Variants in CACNA1C observed in about 807,000 individuals in gnomAD.
CACNA1C encodes the protein voltage-dependent L-type calcium channel subunit alpha-1C.
A neutral mutation model predicts 229.0 loss-of-function variants in CACNA1C; 30 were observed. The observed-to-expected ratio is 0.13, with a 90% confidence interval of 0.10 to 0.18. The LOEUF (loss-of-function observed/expected upper bound fraction) is 0.18. Among genes scored for constraint, CACNA1C ranks in the 10% least tolerant of loss-of-function variants. The pLI, the probability that CACNA1C is intolerant of heterozygous loss-of-function variation, is 1.00. For missense variants in CACNA1C, 1,658 were observed against 2,845.0 expected, an observed-to-expected ratio of 0.58 and a Z score of 9.49; for synonymous variants, 1,114 against 1,132.5, an observed-to-expected ratio of 0.98 and a Z score of 0.33.
At chr12:2,415,659 G>A (rs1044407346) in intron 3 of CACNA1C, among the ~76,000 whole-genome samples, 2 of 152,294 alleles carry the variant, frequency 1.3e-5, no homozygotes, top group East Asian at 3.9e-4. Flanking sequence ...GTCGGACAGT[G>A]GTGACCGTCA....
chr12:2,688,328 C>A, intron 45 of CACNA1C, 119 bp from the exon 46 acceptor site: 2 of 864,970 alleles, frequency 2.3e-6, no homozygotes, highest in Non-Finnish European at 3.8e-6. Context: ...CATGGGAATA[C>A]CAGGCAGGTG....
intron 29 of CACNA1C, among the ~76,000 whole-genome samples, chr12:2,619,231 A>G (rs190692315): frequency 5.3e-5 from 8 of 152,302 alleles, no homozygotes. Flanking sequence ...TAAAGTAGGA[A>G]GACTGCCTTA....
At chr12:2,588,462 C>G (rs958183723) in intron 18 of CACNA1C, among the ~76,000 whole-genome samples, 3 of 152,220 alleles carry the variant, frequency 2.0e-5, no homozygotes, top group Non-Finnish European at 2.9e-5. Context: ...CCTGCCCTCT[C>G]CCTCTCTCCT....
intron 3 of CACNA1C, among the ~76,000 whole-genome samples, chr12:2,284,950 C>G (rs529099204): frequency 6.6e-6 from 1 of 152,352 alleles, no homozygotes; most frequent in South Asian, 2.1e-4. Flanking sequence ...CCATGTGTCT[C>G]CTTTCATTTC....
chr12:2,218,053 C>G (rs2060433959), intron 3 of CACNA1C: 1 of 152,170 alleles, frequency 6.6e-6, no homozygotes, highest in African/African-American at 2.4e-5. Flanking sequence ...GTCGCCAGGG[C>G]TGCCACATGG....
intron 1 of CACNA1C, chr12:1,991,340 A>G (rs1196066881): frequency 2.4e-6 from 1 of 424,220 alleles, no homozygotes; most frequent in African/African-American, 2.1e-5. Context: ...CGGAAACATA[A>G]AATAAAATAT....
chr12:2,190,905 A>G (rs531955767), intron 3 of CACNA1C, among the ~76,000 whole-genome samples: 1 of 152,262 alleles, frequency 6.6e-6, no homozygotes, highest in South Asian at 2.1e-4. Flanking sequence ...AGTCTGGCTG[A>G]CAGATAAGGG....
chr12:2,420,104 TGTG>T (rs1567580536), intron 3 of CACNA1C, among the ~76,000 whole-genome samples: 1 of 65,606 alleles, frequency 1.5e-5, no homozygotes. Flanking sequence ...GGCAAAATGG[TGTG>T]TGTGTGTGTG....
intron 1 of CACNA1C, among the ~76,000 whole-genome samples, chr12:2,016,241 G>A (rs1286014416): frequency 6.6e-6 from 1 of 152,110 alleles, no homozygotes; most frequent in Non-Finnish European, 1.5e-5. Flanking sequence ...TAGGTGCCAA[G>A]TACTTATCAG....
At chr12:2,446,279 G>GTGGA (rs2099278280) in intron 3 of CACNA1C, among the ~76,000 whole-genome samples, 1 of 147,838 alleles carries the variant, frequency 6.8e-6, no homozygotes, top group Non-Finnish European at 1.5e-5. Context: ...GGATAGGTGG[G>GTGGA]TGGATGGATG....
chr12:1,971,681 C>T lies in CACNA1C; in HGVS notation c.139+480C>T, dbSNP rs755350247. On this transcript the variant is annotated intron_variant, in intron 1 of 46. Transcript: ENST00000682462. This position sits in a 1 kb window ranked among gnomAD's most constrained non-coding sequence, Gnocchi z 4.2. ...GTTAAGGGGCCATTAAAGGCAGTGT[C>T]ATGTCAGCGTCATTCAAATGTACAT... Among the ~76,000 whole-genome samples the T allele has an allele frequency of 1.3e-5, 2 of 152,222 alleles. No homozygotes were observed. The highest frequency in any genetic ancestry group is 2.4e-5 in the African/African-American group (1 of 41,466).
In CACNA1C at chr12:2,461,205, C is replaced by T. The variant is rs181092280; in HGVS notation, c.757+3499C>T. ...CCAGACCATCAGTGATCACCGTTAC[C>T]GCACCCAGTGCTCTGTCCTCCAGGG... On this transcript the variant is annotated intron_variant, in intron 5 of 46. Transcript: ENST00000399655. 1.8e-3 allele frequency among the ~76,000 whole-genome samples: 281 copies of T among 152,310 alleles called. 1 individual carries two copies. The highest frequency in any genetic ancestry group is 4.7e-3 in the African/African-American group (197 of 41,556).
rs541832963 is a variant in CACNA1C at position 2,685,622 on chromosome 12, G to C, written c.5574-114G>C. 1.1e-5 allele frequency: 8 copies of C among 752,590 alleles called. No individual in the cohort carries two copies. In the South Asian group the frequency reaches 1.2e-4, roughly 11 times the overall value. The allele number at this position is 752,590 out of a possible 1,614,324, so 46.6% of individuals were successfully genotyped here. On this transcript the variant is annotated intron_variant, in intron 43 of 46. Coordinates refer to ENST00000399655, the MANE Select transcript of CACNA1C (RefSeq NM_000719.7). ...CCCCAAACCTGCATGTAAGCACAAAGTGTGCGTCCCTTCACTAAGGATCAG... is the reference window on the plus strand; with the variant it reads ...CCCCAAACCTGCATGTAAGCACAAACTGTGCGTCCCTTCACTAAGGATCAG...
chr12:2,019,404 G>A (rs2154486653), intron 1 of CACNA1C, among the ~76,000 whole-genome samples: 1 of 148,856 alleles, frequency 6.7e-6, no homozygotes, highest in East Asian at 2.1e-4. Context: ...AGGCTGCAGT[G>A]AGCAATGATT....
At chr12:2,577,030 G>T (rs544883345) in intron 13 of CACNA1C, among the ~76,000 whole-genome samples, 31 of 152,308 alleles carry the variant, frequency 2.0e-4, no homozygotes, top group African/African-American at 7.0e-4. Flanking sequence ...AGCACCCCTC[G>T]TGATGCCAGG....
chr12:2,688,805 G>A (rs895616116), intron 46 of CACNA1C, 26 bp downstream of exon 46: 3 of 1,464,534 alleles, frequency 2.0e-6, no homozygotes, highest in African/African-American at 1.4e-5. Context: ...ATGGGCAGGG[G>A]GGAGAGGCCA....
At chr12:2,100,582 CAAA>C (rs71441677) in intron 1 of CACNA1C, among the ~76,000 whole-genome samples, 684 of 66,466 alleles carry the variant, frequency 0.01, 9 homozygotes, top group African/African-American at 0.034. Context: ...CTGTTTCTAC[CAAA>C]AAAAAAAAAA....
At chr12:2,063,724 G>A (rs1166375059) in intron 1 of CACNA1C, among the ~76,000 whole-genome samples, 1 of 152,160 alleles carries the variant, frequency 6.6e-6, no homozygotes, top group African/African-American at 2.4e-5. Flanking sequence ...TCAGGACTTC[G>A]TTCCTTTTTA....
At chr12:2,417,192 G>A (rs544884982) in intron 3 of CACNA1C, among the ~76,000 whole-genome samples, 110 of 152,278 alleles carry the variant, frequency 7.2e-4, no homozygotes, top group African/African-American at 2.3e-3. Flanking sequence ...AAAAGTGGCC[G>A]TTTCCATGCG....
Sources: allele counts gnomAD v4.1 joint callset (sites outside exome capture counted in the v4.1 genomes callset), GRCh38; gene constraint gnomAD v4.1.1; non-coding constraint Gnocchi (gnomAD v3.1); transcripts MANE v1.5; gene names NCBI Gene and HGNC (gene_info 2026-07-23, HGNC 2026-07-21).